The following WFS1 variants were observed in gnomAD, a reference collection of about 807,000 sequenced individuals.
WFS1 encodes the protein wolframin ER transmembrane glycoprotein, also known as wolframin.
A neutral mutation model predicts 68.5 loss-of-function variants in WFS1; 90 were observed. The observed-to-expected ratio is 1.31, with a 90% CI of 1.11 to 1.56. The LOEUF (loss-of-function observed/expected upper bound fraction) is 1.56, where lower values mean the gene tolerates loss of function less well. WFS1 is among the 40% of genes most tolerant of loss of function. The pLI is 0.00. For missense variants in WFS1, 1,767 were observed against 1,232.6 expected (o/e 1.43, Z -6.49); for synonymous variants, 860 against 540.7 (o/e 1.59, Z -8.19).
In WFS1 at chr4:6,300,983, C is replaced by T. The variant is rs71524355; in HGVS notation, c.1188C>T (p.Asn396=). The change falls in exon 8 of 8, where the codon AAC becomes AAT. Residue 396 remains asparagine, a synonymous_variant. Coordinates refer to ENST00000226760, the MANE Select transcript of WFS1 (RefSeq NM_006005.3). ...TGGATGTGGAGCAGGCCGAGGTCAA[C>T]TTCGGCTGGAACCACCTGGAGCCCT... ...PNLDVEQAEV[N]FGWNHLEPYA... is the part of the protein sequence containing the mutation. The T allele has an allele frequency of 5.0e-6, 8 of 1,614,036 alleles. No individual in the cohort carries two copies. Among genetic ancestry groups the T allele is most frequent in the Middle Eastern group, 3.3e-4 (2 of 6,062 alleles).
rs918570406 is a variant in WFS1, at chr4:6,302,925, C to T, written c.*457C>T. The T allele has an allele frequency of 1.1e-5, 2 of 189,078 alleles. No homozygotes were observed. The highest frequency in any genetic ancestry group is 4.7e-5 in the African/African-American group (2 of 42,258). 11.7% of individuals were successfully genotyped at this position (189,078 alleles called of 1,614,324 possible). On this transcript the variant is annotated 3_prime_UTR_variant, in exon 8 of 8. Coordinates refer to ENST00000226760, the MANE Select transcript of WFS1 (RefSeq NM_006005.3). ...TTGTTTGGTCACTGCTACACCTTAGCAGCTCTTCCCCTTTCCTGGGGGATG... is the reference window on the plus strand; with the variant it reads ...TTGTTTGGTCACTGCTACACCTTAGTAGCTCTTCCCCTTTCCTGGGGGATG...
intron 3 of WFS1, among the ~76,000 whole-genome samples, chr4:6,288,216 CAAA>C (rs5855906): frequency 4.6e-5 from 6 of 131,128 alleles, no homozygotes; most frequent in Non-Finnish European, 4.8e-5. Context: ...GACTCTGTCT[CAAA>C]AAAAAAAAAA....
chr4:6,302,085 C>G lies in WFS1; in HGVS notation c.2290C>G (p.Pro764Ala), dbSNP rs377102310. 10 of 1,612,808 alleles carry G rather than the reference C, an allele frequency of 6.2e-6. No individual in the cohort carries two copies. In the African/African-American group the frequency reaches 1.2e-4, roughly 19 times the overall value. ...TCGCCTTAAGCTGCTGGCCAAGCAC[C>G]CCTGCCACATCAAGAAGTTCGACCG... is the stretch of plus-strand genomic sequence containing the variant. The part of the protein sequence containing the change: ...LCRLKLLAKH[P>A]CHIKKFDRYK... Residue 764 changes from proline (P) to alanine (A), a missense_variant, in exon 8 of 8, where the codon CCC becomes GCC. Pro to Ala is a conservative substitution (Grantham distance 27). Coordinates refer to ENST00000226760, the MANE Select transcript of WFS1 (RefSeq NM_006005.3).
chr4:6,294,891 G>T (rs1290945236), intron 6 of WFS1, 150 bp from the exon 7 acceptor site: 14 of 1,344,422 alleles, frequency 1.0e-5, no homozygotes, highest in Non-Finnish European at 1.4e-5. Context: ...CAACCCTCAG[G>T]CCGCCCAGGG....
At chr4:6,285,739 C>A (rs1334499873) in intron 2 of WFS1, among the ~76,000 whole-genome samples, 1 of 152,290 alleles carries the variant, frequency 6.6e-6, no homozygotes, top group East Asian at 1.9e-4. Flanking sequence ...CTTGGTGCTG[C>A]AGAGCCGGTT....
At chr4:6,278,467 C>G (rs1309541167) in intron 2 of WFS1, among the ~76,000 whole-genome samples, 1 of 152,236 alleles carries the variant, frequency 6.6e-6, no homozygotes, top group Non-Finnish European at 1.5e-5. Context: ...TGCAGAAGCC[C>G]CAGACCCATG....
intron 1 of WFS1, among the ~76,000 whole-genome samples, chr4:6,276,047 G>A (rs977849647): frequency 1.3e-5 from 2 of 152,188 alleles, no homozygotes; most frequent in African/African-American, 2.4e-5. Context: ...ACAGCGCTGC[G>A]GCAGCTTGGG....
chr4:6,282,597 A>G (rs1730200433), intron 2 of WFS1, among the ~76,000 whole-genome samples: 1 of 152,074 alleles, frequency 6.6e-6, no homozygotes, highest in Admixed American at 6.6e-5. Flanking sequence ...TTTAAACACT[A>G]TGGAAGTATG....
chr4:6,300,693 A>G lies in WFS1; in HGVS notation c.898A>G (p.Lys300Glu), dbSNP rs754391419. The change falls in exon 8 of 8, where the codon AAG becomes GAG. Residue 300 changes from lysine (K) to glutamate (E), a missense_variant. By Grantham distance (56) the Lys-to-Glu change is moderately conservative. Coordinates refer to ENST00000226760, the MANE Select transcript of WFS1 (RefSeq NM_006005.3). Reference protein sequence around the residue: ...KYPLHAIMEIKEYLIDMASRA... With the variant: ...KYPLHAIMEIEEYLIDMASRA... ...CCCCCTGCACGCCATCATGGAGATC[A>G]AGGAGTACCTGATTGACATGGCCTC... The G allele has an allele frequency of 5.6e-6, 9 of 1,613,992 alleles. No individual in the cohort carries two copies. The highest frequency in any genetic ancestry group is 7.6e-6 in the Non-Finnish European group (9 of 1,179,948).
At chr4:6,284,976 C>A (rs1361223591) in intron 2 of WFS1, among the ~76,000 whole-genome samples, 1 of 151,134 alleles carries the variant, frequency 6.6e-6, no homozygotes, top group East Asian at 2.0e-4. Context: ...GGGGGGCTGG[C>A]AGGGTGACGG....
In WFS1 at chr4:6,302,339, C is replaced by T. The variant is rs779638777; in HGVS notation, c.2544C>T (p.Leu848=). 1 of 1,612,764 alleles carries T rather than the reference C, an allele frequency of 6.2e-7. No homozygotes were observed. The highest frequency in any genetic ancestry group is 8.5e-7 in the Non-Finnish European group (1 of 1,179,964). Residue 848 remains leucine, a synonymous_variant, in exon 8 of 8, where the codon CTC becomes CTT. Coordinates refer to ENST00000226760, the MANE Select transcript of WFS1 (RefSeq NM_006005.3). ...PVFELKAISC[L]NCMAQLSPTR... is the part of the protein sequence containing the mutation. Reference sequence around the variant, plus strand: ...TCGAGCTCAAGGCCATCAGCTGCCTCAACTGCATGGCCCAGCTCTCACCCA... The same window carrying T: ...TCGAGCTCAAGGCCATCAGCTGCCTTAACTGCATGGCCCAGCTCTCACCCA...
rs1801212 is a variant in WFS1 at position 6,300,792 on chromosome 4, G to A, written c.997G>A (p.Val333Ile). Residue 333 changes from valine to isoleucine, a missense_variant, in exon 8 of 8, where the codon GTC becomes ATC. Val to Ile is a conservative substitution (Grantham distance 29). Coordinates refer to ENST00000226760, the MANE Select transcript of WFS1 (RefSeq NM_006005.3). The stretch of plus-strand genomic sequence containing the variant: ...CAACGCGCTCATCTTCTTCTTCATC[G>A]TCAGCAACCTCACCATCGACTTCTT... Reference protein sequence around the residue: ...HINALIFFFIVSNLTIDFFAF... With the variant: ...HINALIFFFIISNLTIDFFAF... 1,209,355 of 1,613,806 alleles carry A rather than the reference G, an allele frequency of 0.75. 457,955 individuals carry two copies. The highest frequency in any genetic ancestry group is 1 in the East Asian group (44,757 of 44,850).
intron 7 of WFS1, among the ~76,000 whole-genome samples, chr4:6,296,285 A>G (rs1730637615): frequency 1.3e-5 from 2 of 152,308 alleles, no homozygotes; most frequent in Admixed American, 1.3e-4. Context: ...CAGGCACAGC[A>G]GCCCTGCTGC....
intron 1 of WFS1, among the ~76,000 whole-genome samples, chr4:6,271,653 C>A (rs1299950722): frequency 6.6e-6 from 1 of 152,198 alleles, no homozygotes; most frequent in African/African-American, 2.4e-5. Context: ...TCATTCCTCA[C>A]TCCCAGTTGG....
chr4:6,295,276 G>C, intron 7 of WFS1, 87 bp downstream of exon 7: 1 of 1,557,800 alleles, frequency 6.4e-7, no homozygotes, highest in Admixed American at 1.7e-5. Context: ...GAAGCTGCAG[G>C]TGGGGAGGTT....
intron 6 of WFS1, among the ~76,000 whole-genome samples, 153 bp downstream of exon 6, chr4:6,292,150 C>A (rs1249922792): frequency 6.6e-6 from 1 of 152,118 alleles, no homozygotes; most frequent in African/African-American, 2.4e-5. Context: ...CCTGTGCGAC[C>A]CCATCCTGGC....
intron 2 of WFS1, among the ~76,000 whole-genome samples, chr4:6,281,089 C>T (rs1044754198): frequency 6.6e-6 from 1 of 152,152 alleles, no homozygotes; most frequent in Non-Finnish European, 1.5e-5. Flanking sequence ...GCCTCCCAGC[C>T]ATTGGGGGTA....
chr4:6,286,836 G>A (rs563929481), intron 2 of WFS1, among the ~76,000 whole-genome samples: 233 of 152,320 alleles, frequency 1.5e-3, no homozygotes, highest in Non-Finnish European at 2.7e-3. Context: ...CACCCCGAGC[G>A]CTTTGAGTTG....
intron 3 of WFS1, among the ~76,000 whole-genome samples, chr4:6,288,033 A>G (rs1204363358): frequency 6.6e-6 from 1 of 152,160 alleles, no homozygotes; most frequent in South Asian, 2.1e-4. Context: ...CCTGGCCAAC[A>G]TGATGAAACC....
Sources: allele counts gnomAD v4.1 joint callset (sites outside exome capture counted in the v4.1 genomes callset), GRCh38; gene constraint gnomAD v4.1.1; transcripts MANE v1.5; gene names NCBI Gene and HGNC (gene_info 2026-07-23, HGNC 2026-07-21).